CIZ1: variants seen among roughly 807,000 people sequenced by gnomAD.
The protein encoded by CIZ1 is cip1-interacting zinc finger protein.
Under a neutral mutation model 118.6 loss-of-function variants are expected in CIZ1, and 58 were observed. The observed-to-expected ratio is 0.49, with a 90% CI of 0.40 to 0.61. The LOEUF (loss-of-function observed/expected upper bound fraction) is 0.61, where lower values mean the gene tolerates loss of function less well. CIZ1 is among the 20% of genes least tolerant of loss of function. The pLI is 0.00. For missense variants in CIZ1, 921 were observed against 1,115.9 expected, an observed-to-expected ratio of 0.83 and a Z score of 2.49; for synonymous variants, 448 against 443.4, an observed-to-expected ratio of 1.01 and a Z score of -0.13.
upstream of CIZ1, chr9:128,191,707 C>T: frequency 1.5e-6 from 2 of 1,307,636 alleles, no homozygotes; most frequent in Non-Finnish European, 1.9e-6. This position sits in a 1 kb window ranked among gnomAD's most constrained non-coding sequence, Gnocchi z 5.5. Flanking sequence ...CTAGCAGGTG[C>T]GAGGGGGTCC....
upstream of CIZ1, chr9:128,191,984 A>G (rs1372639893): frequency 1.2e-5 from 15 of 1,287,526 alleles, no homozygotes; most frequent in Middle Eastern, 2.0e-4. The surrounding 1 kb of genome is among the most constrained non-coding windows in gnomAD (Gnocchi z 5.5). Flanking sequence ...CCAAGGTCTT[A>G]CAGTCCGTCA....
In CIZ1 at chr9:128,166,813, G is replaced by A; in HGVS notation, c.2433C>T (p.Asn811=). 6.2e-7 allele frequency: 1 copy of A among 1,614,242 alleles called. No homozygotes were observed. The highest frequency in any genetic ancestry group is 8.5e-7 in the Non-Finnish European group (1 of 1,180,040). ...CRICHKFYHS[N]SGAQLSHCKS... is the part of the protein sequence containing the mutation. ...TGCAGTGGGAGAGCTGTGCCCCTGA[G>A]TTGCTGTGATAGAACTTGTGGCAGA... is the stretch of plus-strand genomic sequence containing the variant. Residue 811 remains asparagine (N), a synonymous_variant, in exon 16 of 17, where the codon AAC becomes AAT. Coordinates refer to ENST00000372938, the MANE Select transcript of CIZ1 (RefSeq NM_001131016.2). This position sits in a 1 kb window ranked among gnomAD's most constrained non-coding sequence, Gnocchi z 4.4.
chr9:128,193,320 A>G (rs983790948), upstream of CIZ1, among the ~76,000 whole-genome samples: 2 of 152,110 alleles, frequency 1.3e-5, no homozygotes, highest in Non-Finnish European at 2.9e-5. Context: ...GAAGGGTGTG[A>G]ACCTCATGAG....
In CIZ1 at chr9:128,191,358, G is replaced by C; in HGVS notation, c.-6+74C>G. ...GCCCCACTCCGCCCGCTCCCACCCC[G>C]CCAGCCGCCTCCTCCGCAGACACAG... On this transcript the variant is annotated intron_variant, in intron 1 of 16. Coordinates refer to ENST00000372938, the MANE Select transcript of CIZ1 (RefSeq NM_001131016.2). This position sits in a 1 kb window ranked among gnomAD's most constrained non-coding sequence, Gnocchi z 5.5. The C allele has an allele frequency of 2.7e-5, 11 of 403,478 alleles. No homozygotes were observed. Among genetic ancestry groups the C allele is most frequent in the South Asian group, 9.8e-5 (1 of 10,232 alleles). The allele number at this position is 403,478 out of a possible 1,614,324, so 25.0% of individuals were successfully genotyped here. A position where few individuals can be genotyped will look rare whatever the true frequency, so the allele number is the denominator to read the frequency against.
chr9:128,178,713 A>C lies in CIZ1; in HGVS notation c.1494T>G (p.Gly498=), dbSNP rs1588171763. 1.2e-6 allele frequency: 2 copies of C among 1,612,108 alleles called. No homozygotes were observed. The highest frequency in any genetic ancestry group is 2.2e-5 in the South Asian group (2 of 90,932). ...TGGGAGCCAGTGCTCACTTACCTCC[A>C]CCAGCTTCTACTGCATCAGGTGGCA... ...LEMPPDAVEA[G]GGMEKTLPEP... The change falls in exon 8 of 17, where the codon GGT becomes GGG. Residue 498 remains glycine, a synonymous_variant. Coordinates refer to ENST00000372938, the MANE Select transcript of CIZ1 (RefSeq NM_001131016.2).
intron 15 of CIZ1, 29 bp downstream of exon 15, chr9:128,167,066 T>G (rs1829523523): frequency 1.3e-6 from 2 of 1,585,866 alleles, no homozygotes; most frequent in Admixed American, 1.8e-5. Context: ...CTGAAGCTCC[T>G]GCAGGTGGGC....
intron 3 of CIZ1, among the ~76,000 whole-genome samples, 191 bp from the exon 4 acceptor site, chr9:128,188,125 A>AG (rs1214099047): frequency 2.0e-5 from 3 of 150,414 alleles, no homozygotes; most frequent in Admixed American, 1.3e-4. Context: ...AGCAAAAAAA[A>AG]AAAAAGGAAA....
Position 128,178,763 on chromosome 9 carries a change from C to A in CIZ1, c.1444G>T (p.Val482Leu), listed in dbSNP as rs781414905. Reference protein sequence around the residue: ...SLLAPEQTPVVVHVCGLEMPP... With the variant: ...SLLAPEQTPVLVHVCGLEMPP... ...ATCTCCAGCCCGCAGACATGAACCA[C>A]AACTGGTGTTTGCTCTGGAGCCAGC... The change falls in exon 8 of 17, where the codon GTG becomes TTG. Residue 482 changes from valine (V) to leucine (L), a missense_variant. By Grantham distance (32) the Val-to-Leu change is conservative. Coordinates refer to ENST00000372938, the MANE Select transcript of CIZ1 (RefSeq NM_001131016.2). 4.3e-6 allele frequency: 7 copies of A among 1,614,158 alleles called. No homozygotes were observed. The highest frequency in any genetic ancestry group is 5.1e-6 in the Non-Finnish European group (6 of 1,180,058).
chr9:128,187,987 C>A, intron 3 of CIZ1, 53 bp from the exon 4 acceptor site: 1 of 564,532 alleles, frequency 1.8e-6, no homozygotes. Context: ...ACATCCATCC[C>A]CCCTGACTCA....
Position 128,169,193 on chromosome 9 carries a change from C to A in CIZ1, c.2154G>T (p.Ser718=). The A allele has an allele frequency of 6.2e-7, 1 of 1,614,192 alleles. No individual in the cohort carries two copies. The highest frequency in any genetic ancestry group is 1.3e-5 in the African/African-American group (1 of 75,048). The change falls in exon 14 of 17, where the codon TCG becomes TCT. Residue 718 remains serine, a synonymous_variant. Coordinates refer to ENST00000372938, the MANE Select transcript of CIZ1 (RefSeq NM_001131016.2). The part of the protein sequence containing the change: ...GHKDKAKELK[S]LEKEIAGQDE... ...CTTGGCCAGCAATTTCTTTCTCAAG[C>A]GACTTCAGCTGCCCAGGGAGTAGGC...
upstream of CIZ1, among the ~76,000 whole-genome samples, chr9:128,194,836 G>A (rs1268866065): frequency 6.6e-6 from 1 of 151,940 alleles, no homozygotes; most frequent in Non-Finnish European, 1.5e-5. Flanking sequence ...CAAAAAAAAA[G>A]AGACAGGGTC....
At position 128,169,472 on chromosome 9, in the gene CIZ1, G is replaced by A. The variant is rs770096691; in HGVS notation, c.2079C>T (p.Tyr693=). The change falls in exon 13 of 17, where the codon TAC becomes TAT. Residue 693 remains tyrosine, a synonymous_variant. Coordinates refer to ENST00000372938, the MANE Select transcript of CIZ1 (RefSeq NM_001131016.2). Reference sequence around the variant, plus strand: ...CCACAAACTTGCGAGGGGTTTTGAAGTAGCGGTTGCAAACGGTGCAGAAGG... The same window carrying A: ...CCACAAACTTGCGAGGGGTTTTGAAATAGCGGTTGCAAACGGTGCAGAAGG... ...LRPFCTVCNR[Y]FKTPRKFVEH... 2.5e-6 allele frequency: 4 copies of A among 1,614,236 alleles called. No individual in the cohort carries two copies. The East Asian group carries it at 8.9e-5, about 36-fold the overall frequency.
Position 128,167,031 on chromosome 9 carries a change from G to T in CIZ1, c.2365+64C>A, listed in dbSNP as rs1019253511. On this transcript the variant is annotated intron_variant, in intron 15 of 16. Transcript: ENST00000372938. ...AATGCCATGGCTGGGATATGGGAGG[G>T]TCATGTGGAGGCTGGGCCCAAGGGC... is the stretch of plus-strand genomic sequence containing the variant. 20 of 1,576,050 alleles carry T rather than the reference G, an allele frequency of 1.3e-5. No homozygotes were observed. The Admixed American group carries it at 2.2e-4, about 17-fold the overall frequency.
intron 11 of CIZ1, 41 bp from the exon 12 acceptor site, chr9:128,170,148 A>G (rs972671861): frequency 1.3e-6 from 2 of 1,559,970 alleles, no homozygotes; most frequent in African/African-American, 2.7e-5. Flanking sequence ...GTGACGCCAG[A>G]AAGACAGCAG....
At position 128,190,437 on chromosome 9, in the gene CIZ1, G is replaced by T. The variant is rs1832985860; in HGVS notation, c.178C>A (p.Pro60Thr). Reference protein sequence around the residue: ...PLPMAVSRGLPPQQPQQPLLN... With the variant: ...PLPMAVSRGLTPQQPQQPLLN... ...AGCGGCTGCTGTGGCTGCTGCGGGG[G>T]GAGCCCCCTGTGTGTTGGGAGGGGG... The change falls in exon 3 of 17, where the codon CCC becomes ACC. Residue 60 changes from proline (P) to threonine (T), a missense_variant. Coordinates refer to ENST00000372938, the MANE Select transcript of CIZ1 (RefSeq NM_001131016.2). 13 of 1,612,126 alleles carry T rather than the reference G, an allele frequency of 8.1e-6. No homozygotes were observed. The highest frequency in any genetic ancestry group is 1.1e-5 in the Non-Finnish European group (13 of 1,178,910).
chr9:128,183,412 G>A (rs183180161), intron 5 of CIZ1, among the ~76,000 whole-genome samples: 103 of 152,330 alleles, frequency 6.8e-4, no homozygotes, highest in African/African-American at 2.5e-3. Flanking sequence ...GTGATGACAG[G>A]CCCGTTGGAA....
chr9:128,180,844 C>A (rs370971665), intron 5 of CIZ1, 30 bp from the exon 6 acceptor site: 154 of 1,488,824 alleles, frequency 1.0e-4, no homozygotes, highest in Non-Finnish European at 1.3e-4. Flanking sequence ...ATGTTGACAT[C>A]CAATACCCAC....
At chr9:128,168,495 G>A (rs1233380053) in intron 14 of CIZ1, among the ~76,000 whole-genome samples, 3 of 142,574 alleles carry the variant, frequency 2.1e-5, no homozygotes, top group Non-Finnish European at 3.0e-5. Flanking sequence ...TAGCCTGGGC[G>A]ACAGAGCGAG....
chr9:128,181,686 G>A (rs1019579507), intron 5 of CIZ1, among the ~76,000 whole-genome samples: 7 of 149,422 alleles, frequency 4.7e-5, no homozygotes, highest in Non-Finnish European at 7.4e-5. Context: ...GAAGACGCCC[G>A]TTACCAGGCG....
Sources: gnomAD v4.1 joint callset for allele counts (sites outside exome capture counted in the v4.1 genomes callset) on GRCh38, gnomAD v4.1.1 for gene constraint, Gnocchi (gnomAD v3.1) non-coding constraint, MANE v1.5 for transcripts, NCBI Gene and HGNC (gene_info 2026-07-23, HGNC 2026-07-21) for gene names.